CBR4: variants seen among roughly 807,000 people sequenced by gnomAD.
CBR4 encodes the protein 3-oxoacyl-[acyl-carrier-protein] reductase.
Under a neutral mutation model 21.0 loss-of-function variants are expected in CBR4, and 22 were observed. The observed-to-expected ratio is 1.05, with a 90% confidence interval of 0.75 to 1.50. CBR4 has a LOEUF of 1.50. Among genes scored for constraint, CBR4 ranks in the 40% most tolerant of loss-of-function variants. CBR4 has a pLI of 0.00. For missense variants in CBR4, 302 were observed against 286.3 expected, an observed-to-expected ratio of 1.05 and a Z score of -0.40; for synonymous variants, 100 against 104.4, an observed-to-expected ratio of 0.96 and a Z score of 0.26.
At chr4:168,994,816 A>G (rs1765110366) in intron 4 of CBR4, among the ~76,000 whole-genome samples, 1 of 133,482 alleles carries the variant, frequency 7.5e-6, no homozygotes, top group Admixed American at 9.3e-5. Flanking sequence ...GTACAATGGC[A>G]TGATCTCAGC....
chr4:168,913,006 T>C (rs763279419), intron 2 of CBR4, among the ~76,000 whole-genome samples: 156 of 152,346 alleles, frequency 1.0e-3, no homozygotes, highest in Non-Finnish European at 1.5e-3. Context: ...ATCTCAAATA[T>C]GTTCATTTCA....
At chr4:168,971,342 C>T (rs1764201094) in intron 2 of CBR4, among the ~76,000 whole-genome samples, 1 of 152,008 alleles carries the variant, frequency 6.6e-6, no homozygotes, top group African/African-American at 2.4e-5. Flanking sequence ...AACCCTGGCT[C>T]ACTGCAACCT....
chr4:168,974,784 C>A (rs1764319126), intron 2 of CBR4, among the ~76,000 whole-genome samples: 1 of 152,110 alleles, frequency 6.6e-6, no homozygotes, highest in Non-Finnish European at 1.5e-5. Context: ...ATCTATTTCT[C>A]TGGAGACTGT....
intron 2 of CBR4, among the ~76,000 whole-genome samples, chr4:168,974,249 G>C (rs1180747947): frequency 6.6e-6 from 1 of 152,136 alleles, no homozygotes; most frequent in Non-Finnish European, 1.5e-5. Flanking sequence ...AATCACTTCT[G>C]CCTTGCAGGG....
chr4:168,903,355 T>C (rs1269044902), intron 2 of CBR4, among the ~76,000 whole-genome samples: 1 of 152,122 alleles, frequency 6.6e-6, no homozygotes, highest in Admixed American at 6.5e-5. Flanking sequence ...TTATAAACAA[T>C]ACATTTTAAT....
chr4:168,926,173 A>C (rs920940686), intron 2 of CBR4: 4 of 1,450,232 alleles, frequency 2.8e-6, no homozygotes, highest in Non-Finnish European at 3.7e-6. Flanking sequence ...TTCCAAGTAT[A>C]TCTTGATTAA....
chr4:168,901,309 G>GGCC (rs1372051529), intron 2 of CBR4, among the ~76,000 whole-genome samples: 2 of 152,166 alleles, frequency 1.3e-5, no homozygotes, highest in African/African-American at 2.4e-5. Flanking sequence ...GCTTGTTCTA[G>GGCC]TTGAGCCATA....
chr4:168,985,611 C>A (rs1387124659), downstream of CBR4, among the ~76,000 whole-genome samples: 1 of 152,088 alleles, frequency 6.6e-6, no homozygotes, highest in Non-Finnish European at 1.5e-5. Flanking sequence ...TTCACAACAG[C>A]AAAGACATGG....
At chr4:168,920,180 AC>A (rs1275387739) in intron 2 of CBR4, among the ~76,000 whole-genome samples, 2 of 152,234 alleles carry the variant, frequency 1.3e-5, no homozygotes, top group East Asian at 3.9e-4. Context: ...CAGGCAGTGT[AC>A]ATGGAGAGCT....
intron 2 of CBR4, among the ~76,000 whole-genome samples, chr4:168,944,650 CTG>C (rs1036141694): frequency 6.6e-6 from 1 of 152,070 alleles, no homozygotes; most frequent in Non-Finnish European, 1.5e-5. Flanking sequence ...TTTTCATAAA[CTG>C]TATTTCTTCA....
intron 2 of CBR4, among the ~76,000 whole-genome samples, chr4:168,902,997 G>A (rs1441863634): frequency 1.3e-5 from 2 of 152,052 alleles, no homozygotes; most frequent in South Asian, 2.1e-4. Context: ...TCCTGGGCTT[G>A]AGCAATCCTC....
intron 2 of CBR4, among the ~76,000 whole-genome samples, chr4:168,979,774 G>A (rs539981661): frequency 8.9e-4 from 136 of 152,264 alleles, no homozygotes; most frequent in Non-Finnish European, 1.6e-3. Flanking sequence ...CATTCGCAGT[G>A]GCTCTGCATT....
intron 2 of CBR4, among the ~76,000 whole-genome samples, chr4:168,982,237 T>C (rs992458636): frequency 6.6e-6 from 1 of 151,954 alleles, no homozygotes. Context: ...ATCAAGCAAA[T>C]GGAAAACAAA....
chr4:168,997,293 T>G (rs1234653805), intron 4 of CBR4, among the ~76,000 whole-genome samples: 1 of 152,198 alleles, frequency 6.6e-6, no homozygotes, highest in Non-Finnish European at 1.5e-5. Context: ...TTAAACCAAT[T>G]TAGAGCAAAG....
chr4:168,941,768 T>G (rs1448752348), intron 2 of CBR4, among the ~76,000 whole-genome samples: 2 of 152,224 alleles, frequency 1.3e-5, no homozygotes, highest in African/African-American at 4.8e-5. Context: ...CTAAATGGCA[T>G]AAGATGGTAT....
At chr4:168,898,805 C>A (rs1249938085) in intron 2 of CBR4, 13 of 835,330 alleles carry the variant, frequency 1.6e-5, no homozygotes, top group Non-Finnish European at 2.7e-5. Context: ...GAAAGAGATA[C>A]AAATGATCTT....
chr4:168,986,604 T>C (rs948387347), downstream of CBR4, among the ~76,000 whole-genome samples: 1 of 152,202 alleles, frequency 6.6e-6, no homozygotes, highest in Non-Finnish European at 1.5e-5. Context: ...ATATGTAGTA[T>C]GAATAAATAA....
At chr4:168,974,845 T>C (rs890200958) in intron 2 of CBR4, among the ~76,000 whole-genome samples, 6 of 152,228 alleles carry the variant, frequency 3.9e-5, no homozygotes, top group Non-Finnish European at 7.3e-5. Flanking sequence ...GGTTTTCACC[T>C]TCCTCTGGTA....
chr4:168,970,946 A>G (rs1213945091), intron 2 of CBR4, among the ~76,000 whole-genome samples: 3 of 152,120 alleles, frequency 2.0e-5, no homozygotes, highest in African/African-American at 7.2e-5. Flanking sequence ...ATGCGTGTGC[A>G]TGTGTCTTTT....
Sources: allele counts gnomAD v4.1 joint callset (sites outside exome capture counted in the v4.1 genomes callset), GRCh38; gene constraint gnomAD v4.1.1; transcripts MANE v1.5; gene names NCBI Gene and HGNC (gene_info 2026-07-23, HGNC 2026-07-21).